The following CLN6 variants were observed in gnomAD, a reference collection of about 807,000 sequenced individuals.
CLN6 encodes ceroid-lipofuscinosis neuronal protein 6.
Under a neutral mutation model 33.3 loss-of-function variants are expected in CLN6, and 22 were observed. The ratio of observed to expected loss-of-function variants is 0.66; its 90% CI spans 0.47 to 0.94. The LOEUF is 0.94. CLN6 is among the 40% of genes least tolerant of loss of function. The pLI, the probability that CLN6 is intolerant of heterozygous loss-of-function variation, is 0.00. For missense variants in CLN6, 387 were observed against 417.1 expected (o/e 0.93, Z 0.63); for synonymous variants, 201 against 174.6 (o/e 1.15, Z -1.19).
chr15:68,238,275 G>A (rs978420680), intron 1 of CLN6, among the ~76,000 whole-genome samples: 10 of 151,566 alleles, frequency 6.6e-5, no homozygotes, highest in African/African-American at 2.2e-4. Flanking sequence ...GTGGTGGCAC[G>A]TGCCTGTAAT....
Position 68,236,369 on chromosome 15 carries a change from C to T in CLN6, c.180-17719G>A, listed in dbSNP as rs114564631. ...TGAGAACAACTCCAAAATCCATCAA[C>T]TTGTAAATAAATAAATTATGGTATA... On this transcript the variant is annotated intron_variant, in intron 1 of 6. Transcript: ENST00000538696. This position sits in a 1 kb window ranked among gnomAD's most constrained non-coding sequence, Gnocchi z 4.5. Among the ~76,000 whole-genome samples the T allele has an allele frequency of 5.3e-3, 802 of 152,306 alleles. 6 individuals carry two copies. The highest frequency in any genetic ancestry group is 0.018 in the African/African-American group (769 of 41,578).
In CLN6 at chr15:68,208,373, TGAA is replaced by T; in HGVS notation, c.700_702del (p.Phe234del). On this transcript the variant is annotated inframe_deletion, in exon 7 of 7. Transcript: ENST00000249806. This position sits in a 1 kb window ranked among gnomAD's most constrained non-coding sequence, Gnocchi z 5.8. ...GCCAGCATGGCGAAGAAGGTGAAGA[TGAA>T]GAGGATGAAGATCTGGCCCTCGGTG... 6.2e-7 allele frequency: 1 copy of T among 1,613,570 alleles called. No homozygotes were observed. Among genetic ancestry groups the T allele is most frequent in the Non-Finnish European group, 8.5e-7 (1 of 1,180,036 alleles).
chr15:68,245,753 C>A (rs993024336), intron 1 of CLN6, among the ~76,000 whole-genome samples: 3 of 151,908 alleles, frequency 2.0e-5, no homozygotes, highest in Non-Finnish European at 2.9e-5. Flanking sequence ...ATAAACAAGG[C>A]CCAACTATAT....
chr15:68,234,284 A>G (rs1311735056), upstream of CLN6, among the ~76,000 whole-genome samples: 1 of 152,182 alleles, frequency 6.6e-6, no homozygotes, highest in African/African-American at 2.4e-5. The surrounding 1 kb of genome is among the most constrained non-coding windows in gnomAD (Gnocchi z 4.1). Context: ...CTTCCATCCA[A>G]GAGATAAGCA....
intron 1 of CLN6, among the ~76,000 whole-genome samples, chr15:68,253,412 C>T (rs1047426139): frequency 1.3e-5 from 2 of 152,154 alleles, no homozygotes; most frequent in Non-Finnish European, 2.9e-5. Flanking sequence ...TTTTATTTCT[C>T]AGAATGTTCC....
intron 1 of CLN6, among the ~76,000 whole-genome samples, chr15:68,222,812 G>A (rs1310342386): frequency 2.6e-5 from 4 of 152,318 alleles, no homozygotes; most frequent in Admixed American, 1.3e-4. Flanking sequence ...GATGCTGTTA[G>A]TCTATAACCT....
chr15:68,229,821 G>GGGA, upstream of CLN6: 1 of 300,910 alleles, frequency 3.3e-6, no homozygotes, highest in East Asian at 6.6e-5. Context: ...CGCTAGGGGA[G>GGGA]GGCCGGGCGC....
intron 1 of CLN6, among the ~76,000 whole-genome samples, chr15:68,223,177 G>C (rs1390469033): frequency 6.6e-6 from 1 of 151,478 alleles, no homozygotes; most frequent in Non-Finnish European, 1.5e-5. Flanking sequence ...AATACACAAA[G>C]CTTGCATGAG....
chr15:68,210,075 C>G lies in CLN6; in HGVS notation c.543-316G>C, dbSNP rs941995177. 6.6e-6 allele frequency among the ~76,000 whole-genome samples: 1 copy of G among 152,128 alleles called. No individual in the cohort carries two copies. The highest frequency in any genetic ancestry group is 2.4e-5 in the African/African-American group (1 of 41,434). On this transcript the variant is annotated intron_variant, in intron 5 of 6. Coordinates refer to ENST00000249806, the MANE Select transcript of CLN6 (RefSeq NM_017882.3). The surrounding 1 kb of genome is among the most constrained non-coding windows in gnomAD (Gnocchi z 5.6). ...CTGTCTCATGCACCGCAGACACCAG[C>G]AGCCCAGCACCACACTAGCCTGGAG...
At chr15:68,212,344 A>G (rs1595818637) in intron 3 of CLN6, 1 of 172,948 alleles carries the variant, frequency 5.8e-6, no homozygotes, top group East Asian at 1.7e-4. Flanking sequence ...AACTGAAAAC[A>G]CACCGGAGTT....
chr15:68,216,713 G>A (rs2093221354), intron 2 of CLN6, among the ~76,000 whole-genome samples: 1 of 152,190 alleles, frequency 6.6e-6, no homozygotes, highest in African/African-American at 2.4e-5. Context: ...TGCTGGACAC[G>A]CAAGTCACTT....
chr15:68,208,311 C>T lies in CLN6; in HGVS notation c.765G>A (p.Leu255=), dbSNP rs1355639735. Residue 255 remains leucine, a synonymous_variant, in exon 7 of 7, where the codon CTG becomes CTA. Transcript: ENST00000249806. This position sits in a 1 kb window ranked among gnomAD's most constrained non-coding sequence, Gnocchi z 5.8. ...VLHQKRKRLF[L]DSNGLFLFSS... is the part of the protein sequence containing the mutation. ...AGAAGAGGAAGAGGCCGTTGCTGTC[C>T]AGGAAGAGGCGCTTGCGCTTCTGGT... is the stretch of plus-strand genomic sequence containing the variant. The T allele has an allele frequency of 6.2e-7, 1 of 1,614,116 alleles. No homozygotes were observed. The highest frequency in any genetic ancestry group is 1.1e-5 in the South Asian group (1 of 91,086).
At chr15:68,221,019 TA>T (rs1457106461) in intron 1 of CLN6, among the ~76,000 whole-genome samples, 4 of 151,416 alleles carry the variant, frequency 2.6e-5, no homozygotes, top group African/African-American at 2.4e-5. Flanking sequence ...TTATTATTAT[TA>T]TTATTATTTT....
In CLN6 at chr15:68,245,257, A is replaced by G. The variant is rs151088240; in HGVS notation, c.179+11433T>C. On this transcript the variant is annotated intron_variant, in intron 1 of 6. Coordinates refer to the CLN6 transcript ENST00000538696. ...GGTAACCATAATGTTAAAACCTATA[A>G]CAGATACAATAAAAATAAAAGGTGG... Among the ~76,000 whole-genome samples the G allele has an allele frequency of 4.9e-4, 75 of 152,044 alleles. 1 individual carries two copies. The East Asian group carries it at 0.013, about 27-fold the overall frequency.
chr15:68,250,742 C>T (rs1465684920), intron 1 of CLN6, among the ~76,000 whole-genome samples: 1 of 151,958 alleles, frequency 6.6e-6, no homozygotes, highest in Non-Finnish European at 1.5e-5. Context: ...TTAAACATGC[C>T]CAAAACACTC....
chr15:68,251,321 A>T (rs760072638), intron 1 of CLN6, among the ~76,000 whole-genome samples: 3 of 152,198 alleles, frequency 2.0e-5, no homozygotes, highest in Non-Finnish European at 2.9e-5. Flanking sequence ...ATTTTTAAAA[A>T]GCCTATAATC....
At chr15:68,226,529 C>T (rs961210541) in intron 1 of CLN6, among the ~76,000 whole-genome samples, 13 of 152,004 alleles carry the variant, frequency 8.6e-5, no homozygotes, top group African/African-American at 2.9e-4. Context: ...TATAATGGCG[C>T]GATCTTGGCC....
At chr15:68,218,765 A>T in intron 1 of CLN6, 115 bp from the exon 2 acceptor site, 1 of 742,810 alleles carries the variant, frequency 1.3e-6, no homozygotes, top group Non-Finnish European at 2.4e-6. Flanking sequence ...AGACACACAT[A>T]ATTGAGTTCT....
At position 68,234,755 on chromosome 15, in the gene CLN6, G is replaced by A. The variant is rs890283460; in HGVS notation, c.180-16105C>T. Among the ~76,000 whole-genome samples the A allele has an allele frequency of 1.2e-4, 18 of 152,268 alleles. No homozygotes were observed. The highest frequency in any genetic ancestry group is 3.4e-3 in the Middle Eastern group (1 of 294). ...ACAAAGGCCGGGCGCGGTGGCTCAC[G>A]CATGTAATCCCAGCACTTTGGGAGG... is the stretch of plus-strand genomic sequence containing the variant. On this transcript the variant is annotated intron_variant, in intron 1 of 6. Transcript: ENST00000538696. This position sits in a 1 kb window ranked among gnomAD's most constrained non-coding sequence, Gnocchi z 4.1.
Sources: allele counts gnomAD v4.1 joint callset (sites outside exome capture counted in the v4.1 genomes callset), GRCh38; gene constraint gnomAD v4.1.1; non-coding constraint Gnocchi (gnomAD v3.1); transcripts MANE v1.5; gene names NCBI Gene and HGNC (gene_info 2026-07-23, HGNC 2026-07-21).